Variants in ZDHHC4 observed in about 807,000 individuals in gnomAD.
ZDHHC4 encodes palmitoyltransferase ZDHHC4.
A neutral mutation model predicts 36.7 loss-of-function variants in ZDHHC4; 42 were observed. The ratio of observed to expected loss-of-function variants is 1.14; its 90% CI spans 0.89 to 1.48. ZDHHC4 has a LOEUF of 1.48. Ranked by LOEUF, ZDHHC4 falls within the 40% of genes most tolerant of loss-of-function variation. The pLI, the probability that ZDHHC4 is intolerant of heterozygous loss-of-function variation, is 0.00. For synonymous variants in ZDHHC4, 189 were observed against 166.6 expected, an observed-to-expected ratio of 1.13 and a Z score of -1.03; for missense variants, 457 against 421.5, an observed-to-expected ratio of 1.08 and a Z score of -0.74.
rs766768566 is a variant in ZDHHC4 at position 6,580,587 on chromosome 7, T to C, written c.26T>C (p.Phe9Ser). 6.2e-7 allele frequency: 1 copy of C among 1,614,190 alleles called. No individual in the cohort carries two copies. Among genetic ancestry groups the C allele is most frequent in the Non-Finnish European group, 8.5e-7 (1 of 1,180,044 alleles). The change falls in exon 3 of 8, where the codon TTC becomes TCC. Residue 9 changes from phenylalanine (F) to serine (S), a missense_variant. By Grantham distance (155) the Phe-to-Ser change is radical. Transcript: ENST00000335965. The part of the protein sequence containing the change: MDFLVLFL[F>S]YLASVLMGLV... ...ATGGACTTTCTGGTCCTCTTCTTGT[T>C]CTACCTGGCTTCGGTGCTGATGGGT... is the stretch of plus-strand genomic sequence containing the variant.
chr7:6,583,060 C>G (rs1441148387), intron 5 of ZDHHC4, among the ~76,000 whole-genome samples: 5 of 151,998 alleles, frequency 3.3e-5, no homozygotes, highest in Admixed American at 6.6e-5. Flanking sequence ...GCCTGTAATC[C>G]CAGCTACTAC....
At chr7:6,578,773 C>T (rs1583374259) in intron 2 of ZDHHC4, 53 bp downstream of exon 2, 1 of 152,214 alleles carries the variant, frequency 6.6e-6, no homozygotes, top group East Asian at 1.9e-4. Context: ...TTTGTTTACT[C>T]TCACCTATCA....
Position 6,588,666 on chromosome 7 carries a change from T to C in ZDHHC4, c.791T>C (p.Val264Ala). The C allele has an allele frequency of 6.2e-7, 1 of 1,614,222 alleles. No homozygotes were observed. Among genetic ancestry groups the C allele is most frequent in the Non-Finnish European group, 8.5e-7 (1 of 1,180,038 alleles). Residue 264 changes from valine (V) to alanine (A), a missense_variant, in exon 8 of 8, where the codon GTG (valine) becomes GCG (alanine). Coordinates refer to ENST00000335965, the MANE Select transcript of ZDHHC4 (RefSeq NM_001134389.2). ...PRIVFMLGFV[V>A]VLSFLLGGYL... ...ATTGTCTTCATGCTGGGCTTTGTCGTGGTTCTGAGCTTCCTCCTGGGTGGC... is the reference window on the plus strand; with the variant it reads ...ATTGTCTTCATGCTGGGCTTTGTCGCGGTTCTGAGCTTCCTCCTGGGTGGC...
intron 5 of ZDHHC4, among the ~76,000 whole-genome samples, chr7:6,583,049 C>T (rs181925055): frequency 5.8e-4 from 89 of 152,156 alleles, no homozygotes; most frequent in African/African-American, 2.0e-3. Flanking sequence ...TGCATTAGCA[C>T]GCCTGTAATC....
At position 6,585,256 on chromosome 7, in the gene ZDHHC4, T is replaced by C. The variant is rs149947025; in HGVS notation, c.737T>C (p.Ile246Thr). ...CATGTTATGGACACGGTCTTTCTTATTCAGGTAATTATGCTGTAGGTTTCT... is the reference window on the plus strand; with the variant it reads ...CATGTTATGGACACGGTCTTTCTTACTCAGGTAATTATGCTGTAGGTTTCT... ...HLHVMDTVFLIQYLFLTFPRI... is the reference protein window; with the variant it reads ...HLHVMDTVFLTQYLFLTFPRI... Residue 246 changes from isoleucine to threonine, a missense_variant, in exon 7 of 8, where the codon ATT becomes ACT. Ile to Thr is a moderately conservative substitution (Grantham distance 89). Transcript: ENST00000335965. 9.9e-6 allele frequency: 16 copies of C among 1,612,738 alleles called. No individual in the cohort carries two copies. The highest frequency in any genetic ancestry group is 1.6e-4 in the Middle Eastern group (1 of 6,076).
chr7:6,585,141 G>T lies in ZDHHC4; in HGVS notation c.622G>T (p.Val208Phe). Residue 208 changes from valine (V) to phenylalanine (F), a missense_variant, in exon 7 of 8, where the codon GTC becomes TTC. Val to Phe is a conservative substitution (Grantham distance 50). Transcript: ENST00000335965. ...GACCTTGACGGCCTCGGCTGCCACC[G>T]TCGCCATTGTGAGCACCACTTTTCT... ...VLTLTASAAT[V>F]AIVSTTFLVH... 4 of 1,614,074 alleles carry T rather than the reference G, an allele frequency of 2.5e-6. No homozygotes were observed. Among genetic ancestry groups the T allele is most frequent in the East Asian group, 2.2e-5 (1 of 44,878 alleles).
intron 6 of ZDHHC4, 124 bp downstream of exon 6, chr7:6,583,555 T>G: frequency 8.7e-6 from 11 of 1,270,324 alleles, no homozygotes; most frequent in Non-Finnish European, 9.6e-6. Flanking sequence ...GTGTGGCCAC[T>G]ACTTGTAGAG....
intron 7 of ZDHHC4, among the ~76,000 whole-genome samples, chr7:6,588,191 A>G (rs186591134): frequency 6.6e-6 from 1 of 152,334 alleles, no homozygotes; most frequent in East Asian, 1.9e-4. Flanking sequence ...AAGAAAAGGA[A>G]AAAAACTTCG....
chr7:6,581,559 G>A (rs770121549), intron 3 of ZDHHC4, 48 bp from the exon 4 acceptor site: 1 of 1,442,242 alleles, frequency 6.9e-7, no homozygotes, highest in South Asian at 1.2e-5. Flanking sequence ...TTTGGGAGTG[G>A]AGGAAGTGAG....
intron 6 of ZDHHC4, 182 bp from the exon 7 acceptor site, chr7:6,584,834 A>G (rs1019638878): frequency 5.3e-5 from 42 of 793,158 alleles, no homozygotes; most frequent in Middle Eastern, 3.7e-4. Context: ...CTCAATACCC[A>G]CATTTGGCTG....
rs376172925 is a variant in ZDHHC4, at chr7:6,582,076, C to G, written c.195C>G (p.Asn65Lys). 2 of 1,610,770 alleles carry G rather than the reference C, an allele frequency of 1.2e-6. No individual in the cohort carries two copies. Among genetic ancestry groups the G allele is most frequent in the Non-Finnish European group, 1.7e-6 (2 of 1,177,766 alleles). Residue 65 changes from asparagine to lysine, a missense_variant, in exon 5 of 8, where the codon AAC becomes AAG. Transcript: ENST00000335965. ...GLLHYLFHTR[N>K]HTFIVLHLVL... ...AGCCATGCCTGTTTTCTTTCAGAAA[C>G]CACACCTTCATTGTCCTGCACCTGG...
Position 6,588,700 on chromosome 7 carries a change from G to A in ZDHHC4, c.825G>A (p.Leu275=), listed in dbSNP as rs1364115051. 1 of 1,614,204 alleles carries A rather than the reference G, an allele frequency of 6.2e-7. No homozygotes were observed. The highest frequency in any genetic ancestry group is 8.5e-7 in the Non-Finnish European group (1 of 1,180,036). ...GCTTCCTCCTGGGTGGCTACCTGTT[G>A]TTTGTCCTGTATCTGGCGGCCACCA... is the stretch of plus-strand genomic sequence containing the variant. The part of the protein sequence containing the change: ...VLSFLLGGYL[L]FVLYLAATNQ... Residue 275 remains leucine (L), a synonymous_variant, in exon 8 of 8, where the codon TTG becomes TTA. Coordinates refer to ENST00000335965, the MANE Select transcript of ZDHHC4 (RefSeq NM_001134389.2).
Position 6,580,887 on chromosome 7 carries a change from G to T in ZDHHC4, c.117+209G>T, listed in dbSNP as rs140544310. ...GCTATGATCACGCCACTGCACTCCA[G>T]CCTGGACTACAGAGTGAGACCCTGT... On this transcript the variant is annotated intron_variant, in intron 3 of 7. Transcript: ENST00000335965. 1.1e-3 allele frequency: 608 copies of T among 571,806 alleles called. 3 individuals are homozygous for T. Among genetic ancestry groups the T allele is most frequent in the African/African-American group, 0.01 (541 of 53,426 alleles). The allele number at this position is 571,806 out of a possible 1,614,324, so 35.4% of individuals were successfully genotyped here.
Position 6,589,345 on chromosome 7 carries a change from G to A in ZDHHC4, c.*435G>A, listed in dbSNP as rs773042493. On this transcript the variant is annotated 3_prime_UTR_variant, in exon 8 of 8. Coordinates refer to ENST00000335965, the MANE Select transcript of ZDHHC4 (RefSeq NM_001134389.2). Reference sequence around the variant, plus strand: ...CCAGGGGATTTTCATCTCAACAACAGAGTGTCCTCACCCAGGCCTGCCTTC... The same window carrying A: ...CCAGGGGATTTTCATCTCAACAACAAAGTGTCCTCACCCAGGCCTGCCTTC... 2.7e-5 allele frequency: 5 copies of A among 185,458 alleles called. No individual in the cohort carries two copies. The highest frequency in any genetic ancestry group is 5.8e-5 in the Non-Finnish European group (5 of 85,808). 11.5% of individuals were successfully genotyped at this position (185,458 alleles called of 1,614,324 possible).
chr7:6,586,682 GC>G (rs1781267944), intron 7 of ZDHHC4, among the ~76,000 whole-genome samples: 1 of 152,064 alleles, frequency 6.6e-6, no homozygotes, highest in Non-Finnish European at 1.5e-5. Context: ...TACCATGTTG[GC>G]CAGGCTGGTC....
At chr7:6,584,626 CCT>C (rs1441422485) in intron 6 of ZDHHC4, among the ~76,000 whole-genome samples, 1 of 152,022 alleles carries the variant, frequency 6.6e-6, no homozygotes, top group Non-Finnish European at 1.5e-5. Flanking sequence ...GACAAAATGT[CCT>C]CTCTGTTTTT....
intron 5 of ZDHHC4, 116 bp from the exon 6 acceptor site, chr7:6,583,190 A>T: frequency 6.8e-6 from 8 of 1,184,934 alleles, no homozygotes; most frequent in South Asian, 4.1e-5. Flanking sequence ...AAAAAAAAAA[A>T]GAATTACTTA....
intron 5 of ZDHHC4, 69 bp from the exon 6 acceptor site, chr7:6,583,237 A>T (rs1259259461): frequency 6.5e-7 from 1 of 1,543,480 alleles, no homozygotes; most frequent in East Asian, 2.3e-5. Context: ...GTGTTTTATC[A>T]GGACGGGTTT....
chr7:6,584,886 T>G, intron 6 of ZDHHC4, 130 bp from the exon 7 acceptor site: 1 of 1,356,848 alleles, frequency 7.4e-7, no homozygotes, highest in Non-Finnish European at 1.0e-6. Context: ...AAGCTTAGTT[T>G]GGAACTAAGC....
Sources: allele counts gnomAD v4.1 joint callset (sites outside exome capture counted in the v4.1 genomes callset), GRCh38; gene constraint gnomAD v4.1.1; transcripts MANE v1.5; gene names NCBI Gene and HGNC (gene_info 2026-07-23, HGNC 2026-07-21).